Variants in CHN2 observed in about 807,000 individuals in gnomAD.
The protein encoded by CHN2 is chimerin 2.
Under a neutral mutation model 56.3 loss-of-function variants are expected in CHN2, and 35 were observed. The observed-to-expected ratio is 0.62, with a 90% CI of 0.47 to 0.82. The LOEUF is 0.82. CHN2 is among the 40% of genes least tolerant of loss of function. The pLI, the probability that CHN2 is intolerant of heterozygous loss-of-function variation, is 0.00. For synonymous variants in CHN2, 210 were observed against 212.8 expected (o/e 0.99, Z 0.12); for missense variants, 491 against 580.5 (o/e 0.85, Z 1.58).
At chr7:29,272,449 C>T (rs1256534689) in intron 1 of CHN2, among the ~76,000 whole-genome samples, 3 of 152,066 alleles carry the variant, frequency 2.0e-5, no homozygotes, top group Non-Finnish European at 4.4e-5. Context: ...AAATACAATT[C>T]AGTCATATAG....
At position 29,156,160 on chromosome 7, in the gene CHN2, A is replaced by G. The variant is rs377202374; in HGVS notation, c.274+9200A>G. ...TATATTTACTTTTGAGTTTTTTGAC[A>G]TTCAGGTCTATCTTCCATTCCCCCA... On this transcript the variant is annotated intron_variant, in intron 2 of 6. Coordinates refer to the CHN2 transcript ENST00000439384. Among the ~76,000 whole-genome samples, 70 of 152,300 alleles carry G rather than the reference A, an allele frequency of 4.6e-4. 2 individuals carry two copies. The highest frequency in any genetic ancestry group is 1.6e-3 in the African/African-American group (68 of 41,552).
chr7:29,458,790 A>G (rs1784950760), intron 6 of CHN2, among the ~76,000 whole-genome samples: 1 of 152,214 alleles, frequency 6.6e-6, no homozygotes, highest in South Asian at 2.1e-4. Flanking sequence ...TGGCTATGTA[A>G]AAGCGTGCTT....
In CHN2 at chr7:29,512,793, GA is replaced by G; in HGVS notation, c.*60del. On this transcript the variant is annotated 3_prime_UTR_variant, in exon 13 of 13. Transcript: ENST00000222792. The stretch of plus-strand genomic sequence containing the variant: ...ACCATCCAAGTTGACACAGCTAAAG[GA>G]ATAAAAACATTTCTTACCACTTGAT... The G allele has an allele frequency of 2.0e-6, 3 of 1,535,830 alleles. No homozygotes were observed. The highest frequency in any genetic ancestry group is 2.6e-6 in the Non-Finnish European group (3 of 1,134,470).
intron 1 of CHN2, among the ~76,000 whole-genome samples, chr7:29,323,802 C>T (rs970386883): frequency 1.3e-5 from 2 of 150,406 alleles, no homozygotes; most frequent in African/African-American, 4.9e-5. Context: ...TCAAGACCAT[C>T]CTGGCTAACA....
chr7:29,359,474 C>T lies in CHN2; in HGVS notation c.88+4811C>T, dbSNP rs80221888. 0.014 allele frequency among the ~76,000 whole-genome samples: 2,164 copies of T among 152,192 alleles called. 103 individuals carry two copies. In the East Asian group the frequency reaches 0.15, roughly 10 times the overall value. On this transcript the variant is annotated intron_variant, in intron 2 of 12. Coordinates refer to ENST00000222792, the MANE Select transcript of CHN2 (RefSeq NM_004067.4). ...GTTGGGCCACTAAGATGGATAAGGT[C>T]GGCTGTTGACTCAAGGAACGGTGAT...
At chr7:29,381,135 A>C (rs1800465377) in intron 3 of CHN2, among the ~76,000 whole-genome samples, 1 of 152,138 alleles carries the variant, frequency 6.6e-6, no homozygotes, top group South Asian at 2.1e-4. Flanking sequence ...TCTTATTTTA[A>C]AGTAAAATCC....
chr7:29,423,076 T>G (rs1358966754), intron 6 of CHN2, among the ~76,000 whole-genome samples: 1 of 152,198 alleles, frequency 6.6e-6, no homozygotes, highest in African/African-American at 2.4e-5. Flanking sequence ...TTATATAAAT[T>G]GCTATAGAAA....
In CHN2 at chr7:29,499,968, A is replaced by G; in HGVS notation, c.841A>G (p.Thr281Ala). The G allele has an allele frequency of 6.2e-7, 1 of 1,610,690 alleles. No homozygotes were observed. Among genetic ancestry groups the G allele is most frequent in the Non-Finnish European group, 8.5e-7 (1 of 1,178,638 alleles). ...IKKVYCCDLT[T>A]LVKAHNTQRP... Reference sequence around the variant, plus strand: ...GAAAGTGTACTGTTGTGACCTCACAACACTTGTGAAGGCTCACAACACTCA... The same window carrying G: ...GAAAGTGTACTGTTGTGACCTCACAGCACTTGTGAAGGCTCACAACACTCA... The change falls in exon 9 of 13, where the codon ACA (threonine) becomes GCA (alanine). Residue 281 changes from threonine (T) to alanine (A), a missense_variant. Coordinates refer to ENST00000222792, the MANE Select transcript of CHN2 (RefSeq NM_004067.4).
rs186085194 is a variant in CHN2 at position 29,234,099 on chromosome 7, C to T, written c.49+39109C>T. On this transcript the variant is annotated intron_variant, in intron 1 of 12. Transcript: ENST00000222792. The stretch of plus-strand genomic sequence containing the variant: ...CCGCCCGCCTCGGCCTCCCAAAGTG[C>T]TGGGATTACAGGCGTGAGCCACCGC... Among the ~76,000 whole-genome samples, 707 of 151,732 alleles carry T rather than the reference C, an allele frequency of 4.7e-3. 3 individuals carry two copies. The highest frequency in any genetic ancestry group is 0.016 in the African/African-American group (654 of 41,342).
At chr7:29,367,432 TG>T in intron 2 of CHN2, among the ~76,000 whole-genome samples, 1 of 152,280 alleles carries the variant, frequency 6.6e-6, no homozygotes, top group East Asian at 1.9e-4. Context: ...AGAAATGGCT[TG>T]GTGTTTCATT....
At chr7:29,510,184 G>A (rs1217643412) in intron 12 of CHN2, among the ~76,000 whole-genome samples, 1 of 152,156 alleles carries the variant, frequency 6.6e-6, no homozygotes, top group Non-Finnish European at 1.5e-5. Flanking sequence ...CCGAAACTTA[G>A]TGGCTTAAAA....
At chr7:29,266,359 G>A (rs533557481) in intron 1 of CHN2, among the ~76,000 whole-genome samples, 1 of 152,300 alleles carries the variant, frequency 6.6e-6, no homozygotes, top group East Asian at 1.9e-4. Flanking sequence ...AACAGGAGAT[G>A]GTATTACCTT....
At chr7:29,391,065 CCTCT>C (rs900271981) in intron 3 of CHN2, among the ~76,000 whole-genome samples, 2 of 151,290 alleles carry the variant, frequency 1.3e-5, no homozygotes, top group African/African-American at 4.9e-5. Flanking sequence ...TTGATCCCAG[CCTCT>C]CTCTCTCTCT....
chr7:29,296,653 T>G (rs780887253), intron 1 of CHN2, among the ~76,000 whole-genome samples: 1 of 152,202 alleles, frequency 6.6e-6, no homozygotes, highest in Non-Finnish European at 1.5e-5. Context: ...TTGCATGTTA[T>G]AGGGCAGGGT....
At chr7:29,244,629 G>A (rs1787935251) in intron 1 of CHN2, among the ~76,000 whole-genome samples, 1 of 152,136 alleles carries the variant, frequency 6.6e-6, no homozygotes, top group East Asian at 1.9e-4. Flanking sequence ...GTACGTGCGC[G>A]CCATATGTTG....
At chr7:29,152,723 C>T (rs910302004) in intron 2 of CHN2, among the ~76,000 whole-genome samples, 4 of 152,200 alleles carry the variant, frequency 2.6e-5, no homozygotes, top group Admixed American at 2.0e-4. Flanking sequence ...TGCTCTGAGA[C>T]GGTTGGAAGA....
intron 1 of CHN2, among the ~76,000 whole-genome samples, chr7:29,296,104 G>A (rs1412253890): frequency 2.8e-5 from 4 of 144,968 alleles, no homozygotes; most frequent in African/African-American, 5.2e-5. Context: ...TTTTTTTTAA[G>A]ACAGAGTCTC....
At chr7:29,485,396 C>T (rs527254310) in intron 7 of CHN2, among the ~76,000 whole-genome samples, 1 of 152,282 alleles carries the variant, frequency 6.6e-6, no homozygotes, top group African/African-American at 2.4e-5. Context: ...AGGTCACATG[C>T]GCCCTGAAGC....
chr7:29,351,349 C>A (rs1797872284), intron 1 of CHN2, among the ~76,000 whole-genome samples: 1 of 152,088 alleles, frequency 6.6e-6, no homozygotes, highest in Non-Finnish European at 1.5e-5. Flanking sequence ...GCCTGTTACA[C>A]GTCAGGCACC....
Sources: allele counts gnomAD v4.1 joint callset (sites outside exome capture counted in the v4.1 genomes callset), GRCh38; gene constraint gnomAD v4.1.1; transcripts MANE v1.5; gene names NCBI Gene and HGNC (gene_info 2026-07-23, HGNC 2026-07-21).